The following PTPRM variants were observed in gnomAD, a reference collection of about 807,000 sequenced individuals.
PTPRM encodes receptor-type tyrosine-protein phosphatase mu.
PTPRM carries 47 observed loss-of-function variants against 186.7 expected under a neutral mutation model. The ratio of observed to expected loss-of-function variants is 0.25; its 90% CI spans 0.20 to 0.32. PTPRM has a LOEUF of 0.32. PTPRM is among the 10% of genes least tolerant of loss of function. The pLI, the probability that PTPRM is intolerant of heterozygous loss-of-function variation, is 1.00. For synonymous variants in PTPRM, 668 were observed against 674.9 expected (o/e 0.99, Z 0.16); for missense variants, 1,494 against 1,865.0 (o/e 0.80, Z 3.66).
intron 14 of PTPRM, chr18:8,154,897 C>G (rs1355727893): frequency 6.6e-6 from 1 of 152,156 alleles, no homozygotes; most frequent in Non-Finnish European, 1.5e-5. Context: ...TTCTTTGAAA[C>G]ATTTTATGAA....
intron 1 of PTPRM, among the ~76,000 whole-genome samples, chr18:7,627,590 C>T (rs568277611): frequency 6.6e-6 from 1 of 152,174 alleles, no homozygotes; most frequent in African/African-American, 2.4e-5. Context: ...CGGTGAGGCT[C>T]GGTTCATTCT....
chr18:7,936,612 C>T lies in PTPRM; in HGVS notation c.663+9929C>T, dbSNP rs1387371420. Reference sequence around the variant, plus strand: ...TGCAGGTGCCCCTCAGCATGAACAGCCTGAGTACCATGAACAGGAGGCAGA... The same window carrying T: ...TGCAGGTGCCCCTCAGCATGAACAGTCTGAGTACCATGAACAGGAGGCAGA... On this transcript the variant is annotated intron_variant, in intron 5 of 32. Transcript: ENST00000580170. 2.0e-5 allele frequency among the ~76,000 whole-genome samples: 3 copies of T among 152,178 alleles called. No individual in the cohort carries two copies. In the East Asian group the frequency reaches 5.8e-4, roughly 29 times the overall value.
At chr18:7,941,425 T>A (rs2052167623) in intron 5 of PTPRM, among the ~76,000 whole-genome samples, 1 of 152,250 alleles carries the variant, frequency 6.6e-6, no homozygotes, top group Non-Finnish European at 1.5e-5. Flanking sequence ...ATGAAGATGA[T>A]GCTAAATCAG....
At chr18:7,672,363 TA>T (rs1430865478) in intron 1 of PTPRM, among the ~76,000 whole-genome samples, 2 of 152,190 alleles carry the variant, frequency 1.3e-5, no homozygotes, top group Non-Finnish European at 2.9e-5. Flanking sequence ...TTGGCTTTAC[TA>T]AAAGAAAAAT....
At chr18:7,799,495 G>C (rs577703189) in intron 2 of PTPRM, among the ~76,000 whole-genome samples, 1 of 152,336 alleles carries the variant, frequency 6.6e-6, no homozygotes, top group Admixed American at 6.5e-5. Flanking sequence ...CAGTTTGGGA[G>C]AGGTTAATGT....
chr18:7,735,811 C>T (rs1228035356), intron 1 of PTPRM, among the ~76,000 whole-genome samples: 1 of 151,884 alleles, frequency 6.6e-6, no homozygotes, highest in African/African-American at 2.4e-5. Context: ...AGAACTTTGG[C>T]TTCCACAACT....
chr18:8,133,234 T>C (rs1477383117), intron 13 of PTPRM, among the ~76,000 whole-genome samples: 2 of 152,150 alleles, frequency 1.3e-5, no homozygotes, highest in African/African-American at 4.8e-5. Flanking sequence ...ATTTGCAACA[T>C]GAATTTTGCA....
chr18:8,239,208 A>C (rs897536865), intron 14 of PTPRM, among the ~76,000 whole-genome samples: 1 of 126,028 alleles, frequency 7.9e-6, no homozygotes. Context: ...ATGTGTTCTC[A>C]TTGTTCATTT....
intron 14 of PTPRM, 122 bp downstream of exon 14, chr18:8,143,901 G>A: frequency 8.0e-7 from 1 of 1,251,618 alleles, no homozygotes; most frequent in Non-Finnish European, 1.1e-6. Flanking sequence ...CTGTGACTCT[G>A]TGATTGTTAA....
intron 14 of PTPRM, among the ~76,000 whole-genome samples, chr18:8,211,288 G>A (rs953632318): frequency 3.3e-5 from 5 of 151,294 alleles, no homozygotes; most frequent in Admixed American, 6.6e-5. Context: ...GGGAGAGCCC[G>A]TCTCAGTGGC....
chr18:7,984,657 A>AAT (rs1431721712), intron 7 of PTPRM, among the ~76,000 whole-genome samples: 3 of 127,458 alleles, frequency 2.4e-5, no homozygotes, highest in Non-Finnish European at 5.0e-5. Context: ...ATGTGGGGTA[A>AAT]ATATATATAT....
intron 1 of PTPRM, among the ~76,000 whole-genome samples, chr18:7,578,656 A>C (rs1472096267): frequency 6.8e-6 from 1 of 146,642 alleles, no homozygotes; most frequent in African/African-American, 2.5e-5. Flanking sequence ...TTTTTTTAAG[A>C]GACAGAGGTC....
At chr18:7,589,337 CAA>C (rs1025423540) in intron 1 of PTPRM, among the ~76,000 whole-genome samples, 7 of 152,148 alleles carry the variant, frequency 4.6e-5, no homozygotes, top group African/African-American at 1.7e-4. Context: ...TGAGAAACAG[CAA>C]ATGGGAAAGG....
chr18:7,625,509 C>T (rs567762270), intron 1 of PTPRM, among the ~76,000 whole-genome samples: 1 of 141,512 alleles, frequency 7.1e-6, no homozygotes, highest in African/African-American at 2.5e-5. Flanking sequence ...TCTCCATGAC[C>T]TCTTGAATGA....
chr18:8,189,490 C>T (rs1281129797), intron 14 of PTPRM, among the ~76,000 whole-genome samples: 1 of 152,078 alleles, frequency 6.6e-6, no homozygotes, highest in Non-Finnish European at 1.5e-5. Context: ...AAAAATGTTC[C>T]CACTGAGAAT....
chr18:8,026,078 A>C (rs1478927852), intron 7 of PTPRM, among the ~76,000 whole-genome samples: 1 of 152,200 alleles, frequency 6.6e-6, no homozygotes, highest in African/African-American at 2.4e-5. Flanking sequence ...CCTACTCAAA[A>C]CTCCTTAGAC....
At chr18:8,319,550 G>A (rs117209495) in intron 22 of PTPRM, among the ~76,000 whole-genome samples, 39 of 152,326 alleles carry the variant, frequency 2.6e-4, no homozygotes, top group Non-Finnish European at 4.3e-4. Flanking sequence ...AACTGTGCTG[G>A]TTGCTGCTGG....
intron 2 of PTPRM, among the ~76,000 whole-genome samples, chr18:7,861,060 T>G (rs937946858): frequency 6.6e-6 from 1 of 152,180 alleles, no homozygotes; most frequent in East Asian, 1.9e-4. Context: ...CCTCCCTTTT[T>G]ACACTGTATG....
At chr18:7,861,899 T>C (rs180972459) in intron 2 of PTPRM, among the ~76,000 whole-genome samples, 1 of 152,196 alleles carries the variant, frequency 6.6e-6, no homozygotes, top group Non-Finnish European at 1.5e-5. Context: ...GTATATTTGA[T>C]TGAATATTGG....
Sources: gnomAD v4.1 joint callset for allele counts (sites outside exome capture counted in the v4.1 genomes callset) on GRCh38, gnomAD v4.1.1 for gene constraint, MANE v1.5 for transcripts, NCBI Gene and HGNC (gene_info 2026-07-23, HGNC 2026-07-21) for gene names.